HDAC1: variants seen among roughly 807,000 people sequenced by gnomAD.
HDAC1 encodes the protein protein deacetylase HDAC1.
HDAC1 carries 18 observed loss-of-function variants against 65.5 expected under a neutral mutation model. That is an observed-to-expected ratio of 0.27 (90% CI 0.19 to 0.41). The LOEUF (loss-of-function observed/expected upper bound fraction) is 0.41. Ranked by LOEUF, HDAC1 falls within the 10% of genes least tolerant of loss-of-function variation. HDAC1 has a pLI of 1.00. For synonymous variants in HDAC1, 211 were observed against 227.9 expected, an observed-to-expected ratio of 0.93 and a Z score of 0.67; for missense variants, 373 against 625.2, an observed-to-expected ratio of 0.60 and a Z score of 4.30.
rs1205098181 is a variant in HDAC1, at chr1:32,316,622, C to G, written c.163-43C>G. Reference sequence around the variant, plus strand: ...TTCAAACTAGATTGACTGGACTGGCCGTGGTCAAAAATAACTTGCCCTTTC... The same window carrying G: ...TTCAAACTAGATTGACTGGACTGGCGGTGGTCAAAAATAACTTGCCCTTTC... On this transcript the variant is annotated intron_variant, in intron 2 of 13. Transcript: ENST00000373548. The G allele has an allele frequency of 4.7e-6, 5 of 1,065,730 alleles. No individual in the cohort carries two copies. The South Asian group carries it at 6.3e-5, about 13-fold the overall frequency. 66.0% of individuals were successfully genotyped at this position (1,065,730 alleles called of 1,614,324 possible). A position where few individuals can be genotyped will look rare whatever the true frequency, so the allele number is the denominator to read the frequency against.
rs1641239796 is a variant in HDAC1, at chr1:32,327,770, C to T, written c.636+93C>T. On this transcript the variant is annotated intron_variant, in intron 6 of 13. Coordinates refer to ENST00000373548, the MANE Select transcript of HDAC1 (RefSeq NM_004964.3). This position sits in a 1 kb window ranked among gnomAD's most constrained non-coding sequence, Gnocchi z 6.0. ...CATGCCACTAAAAATTGCTTCTTGC[C>T]TCTTCTGCCAATCAGAATACCACAT... 1.4e-5 allele frequency: 15 copies of T among 1,087,962 alleles called. No individual in the cohort carries two copies. The highest frequency in any genetic ancestry group is 1.8e-5 in the Non-Finnish European group (13 of 714,322). The allele number at this position is 1,087,962 out of a possible 1,614,324, so 67.4% of individuals were successfully genotyped here. A position where few individuals can be genotyped will look rare whatever the true frequency, so the allele number is the denominator to read the frequency against.
intron 2 of HDAC1, among the ~76,000 whole-genome samples, chr1:32,305,966 C>A (rs371290646): frequency 1.6e-4 from 24 of 152,226 alleles, no homozygotes; most frequent in East Asian, 5.8e-4. Context: ...ATATACTCAT[C>A]AAGCACCTAC....
chr1:32,294,067 CAAAAAAA>C (rs1199332480), intron 1 of HDAC1, among the ~76,000 whole-genome samples: 1 of 89,358 alleles, frequency 1.1e-5, no homozygotes, highest in African/African-American at 3.5e-5. Context: ...GACTTCGTCT[CAAAAAAA>C]AAAAAAACAA....
intron 2 of HDAC1, among the ~76,000 whole-genome samples, chr1:32,303,978 C>T (rs950203746): frequency 1.3e-5 from 2 of 152,148 alleles, no homozygotes; most frequent in Non-Finnish European, 2.9e-5. Context: ...CAGTTTTAAC[C>T]TCTCTGGAGA....
intron 2 of HDAC1, among the ~76,000 whole-genome samples, chr1:32,313,097 T>C (rs1641012191): frequency 6.6e-6 from 1 of 151,540 alleles, no homozygotes; most frequent in Non-Finnish European, 1.5e-5. Context: ...TTTATTTATT[T>C]ATTTATTTAT....
At chr1:32,332,872 A>T in intron 13 of HDAC1, 123 bp downstream of exon 13, 1 of 1,163,522 alleles carries the variant, frequency 8.6e-7, no homozygotes, top group Non-Finnish European at 1.3e-6. Flanking sequence ...TTCAGGGACC[A>T]GTCTGTCCAG....
chr1:32,320,213 C>T (rs566781342), intron 3 of HDAC1, among the ~76,000 whole-genome samples: 39 of 151,412 alleles, frequency 2.6e-4, no homozygotes, highest in African/African-American at 9.2e-4. Context: ...GAGCGAGACT[C>T]CTTCTCAAAA....
Position 32,327,244 on chromosome 1 carries a change from A to T in HDAC1, c.494+167A>T. On this transcript the variant is annotated intron_variant, in intron 5 of 13. Transcript: ENST00000373548. This position sits in a 1 kb window ranked among gnomAD's most constrained non-coding sequence, Gnocchi z 6.0. ...ATCTCCTTGATGGGGTCTTGGTTTGATCTGAGCCACGGCATGATCAGGGGC... is the reference window on the plus strand; with the variant it reads ...ATCTCCTTGATGGGGTCTTGGTTTGTTCTGAGCCACGGCATGATCAGGGGC... 1.5e-6 allele frequency: 1 copy of T among 675,704 alleles called. No homozygotes were observed. The highest frequency in any genetic ancestry group is 2.5e-6 in the Non-Finnish European group (1 of 397,162). The allele number at this position is 675,704 out of a possible 1,614,324, so 41.9% of individuals were successfully genotyped here. A position where few individuals can be genotyped will look rare whatever the true frequency, so the allele number is the denominator to read the frequency against.
In HDAC1 at chr1:32,292,136, G is replaced by T. The variant is rs1334987107; in HGVS notation, c.-34G>T. 6.5e-7 allele frequency: 1 copy of T among 1,546,718 alleles called. No individual in the cohort carries two copies. The highest frequency in any genetic ancestry group is 1.2e-5 in the South Asian group (1 of 83,916). ...GGAGCCGCGGGCGGGAGGGCGGACG[G>T]ACCGACTGACGGTAGGGACGGGAGG... On this transcript the variant is annotated 5_prime_UTR_variant, in exon 1 of 14. Coordinates refer to ENST00000373548, the MANE Select transcript of HDAC1 (RefSeq NM_004964.3).
chr1:32,321,123 T>C (rs1218317933), intron 3 of HDAC1, among the ~76,000 whole-genome samples: 3 of 147,952 alleles, frequency 2.0e-5, no homozygotes, highest in East Asian at 2.0e-4. Context: ...CCCAGCTACT[T>C]GGGAGGCTGA....
intron 6 of HDAC1, among the ~76,000 whole-genome samples, chr1:32,328,346 C>A (rs1200997166): frequency 1.3e-5 from 2 of 150,850 alleles, no homozygotes; most frequent in African/African-American, 4.9e-5. Context: ...CAGTCTCTCT[C>A]TGTCACCCAG....
chr1:32,330,867 C>A lies in HDAC1; in HGVS notation c.938C>A (p.Thr313Lys), dbSNP rs1427289234. ...ATTCGTAACGTTGCCCGGTGCTGGA[C>A]ATATGAGACAGCTGTGGCCCTGGAT... Reference protein sequence around the residue: ...YTIRNVARCWTYETAVALDTE... With the variant: ...YTIRNVARCWKYETAVALDTE... Residue 313 changes from threonine (T) to lysine (K), a missense_variant, in exon 9 of 14, where the codon ACA becomes AAA. Coordinates refer to ENST00000373548, the MANE Select transcript of HDAC1 (RefSeq NM_004964.3). This position sits in a 1 kb window ranked among gnomAD's most constrained non-coding sequence, Gnocchi z 4.2. The A allele has an allele frequency of 1.2e-6, 2 of 1,614,112 alleles. No homozygotes were observed. The highest frequency in any genetic ancestry group is 1.7e-6 in the Non-Finnish European group (2 of 1,180,000).
At chr1:32,315,921 T>TGC (rs1641055352) in intron 2 of HDAC1, among the ~76,000 whole-genome samples, 1 of 147,694 alleles carries the variant, frequency 6.8e-6, no homozygotes, top group Admixed American at 6.8e-5. Context: ...GTCGAGATCA[T>TGC]GCCATTGCAC....
chr1:32,321,068 A>T, intron 3 of HDAC1, among the ~76,000 whole-genome samples: 1 of 150,406 alleles, frequency 6.6e-6, no homozygotes. Context: ...CATCTCTACT[A>T]AAAATACAAA....
chr1:32,297,902 G>A (rs1222304538), intron 1 of HDAC1, among the ~76,000 whole-genome samples: 1 of 143,136 alleles, frequency 7.0e-6, no homozygotes, highest in African/African-American at 2.6e-5. Context: ...CCATTCTCCT[G>A]CCTCAGCCTC....
At chr1:32,321,002 C>T (rs538805472) in intron 3 of HDAC1, among the ~76,000 whole-genome samples, 7 of 150,562 alleles carry the variant, frequency 4.6e-5, no homozygotes, top group South Asian at 2.1e-4. Flanking sequence ...GAGGCCGAGG[C>T]GGGCAGATCA....
intron 2 of HDAC1, among the ~76,000 whole-genome samples, chr1:32,304,567 T>C (rs1268239279): frequency 6.6e-6 from 1 of 151,970 alleles, no homozygotes; most frequent in Non-Finnish European, 1.5e-5. Context: ...CCTGGCTTTA[T>C]TTTATTTTTT....
At chr1:32,315,627 A>T (rs1641050432) in intron 2 of HDAC1, among the ~76,000 whole-genome samples, 1 of 150,850 alleles carries the variant, frequency 6.6e-6, no homozygotes, top group South Asian at 2.1e-4. Context: ...TGCTGGGATT[A>T]CAGGCGTGAG....
chr1:32,325,743 C>T (rs528064125), intron 4 of HDAC1, among the ~76,000 whole-genome samples: 1 of 152,140 alleles, frequency 6.6e-6, no homozygotes, highest in East Asian at 1.9e-4. Flanking sequence ...ATCAACACTG[C>T]AGCTGGACAC....
Sources: allele counts gnomAD v4.1 joint callset (sites outside exome capture counted in the v4.1 genomes callset), GRCh38; gene constraint gnomAD v4.1.1; non-coding constraint Gnocchi (gnomAD v3.1); transcripts MANE v1.5; gene names NCBI Gene and HGNC (gene_info 2026-07-23, HGNC 2026-07-21).